The following BOD1 variants were observed in gnomAD, a reference collection of about 807,000 sequenced individuals.
BOD1 encodes biorientation of chromosomes in cell division protein 1.
In BOD1, 11 loss-of-function variants were observed where a neutral mutation model predicts 15.7. The observed-to-expected ratio is 0.70, with a 90% CI of 0.44 to 1.16. The LOEUF is 1.16. BOD1 is among the 50% of genes most tolerant of loss of function. BOD1 has a pLI of 0.00. For synonymous variants in BOD1, 105 were observed against 103.5 expected (o/e 1.01, Z -0.09); for missense variants, 182 against 244.5 (o/e 0.74, Z 1.70).
Position 173,608,066 on chromosome 5 carries a change from T to C in BOD1, c.*228A>G. On this transcript the variant is annotated 3_prime_UTR_variant, in exon 4 of 4. Coordinates refer to ENST00000311086, the MANE Select transcript of BOD1 (RefSeq NM_138369.3). ...TCTCTGTAGTGTCTACTTGGTGTCA[T>C]GCCCTTGGACAGGCTGGCCAAATGG... The C allele has an allele frequency of 1.7e-6, 1 of 592,028 alleles. No individual in the cohort carries two copies. The highest frequency in any genetic ancestry group is 3.0e-6 in the Non-Finnish European group (1 of 329,416). 36.7% of individuals were successfully genotyped at this position (592,028 alleles called of 1,614,324 possible). A position where few individuals can be genotyped will look rare whatever the true frequency, so the allele number is the denominator to read the frequency against.
rs762552050 is a variant in BOD1 at position 173,609,240 on chromosome 5, T to C, written c.557A>G (p.Ter186=). 1.4e-5 allele frequency: 22 copies of C among 1,612,970 alleles called. No individual in the cohort carries two copies. In the East Asian group the frequency reaches 4.9e-4, roughly 36 times the overall value. ...DPPAPSQDTS[*] is the part of the protein sequence containing the mutation. ...GGACAGAAGATAGGATACTGGACCTTAGGAAGTGTCCTGAGATGGAGCTGG... is the reference window on the plus strand; with the variant it reads ...GGACAGAAGATAGGATACTGGACCTCAGGAAGTGTCCTGAGATGGAGCTGG... The change falls in exon 3 of 4, where the codon TAA becomes TGA. Residue 186 remains the stop codon, a splice_region_variant and stop_retained_variant. Coordinates refer to ENST00000311086, the MANE Select transcript of BOD1 (RefSeq NM_138369.3).
chr5:173,614,433 A>AT (rs1180140174), intron 1 of BOD1, among the ~76,000 whole-genome samples: 2 of 152,274 alleles, frequency 1.3e-5, no homozygotes, highest in Non-Finnish European at 1.5e-5. Flanking sequence ...GAGCCCACTC[A>AT]TAACGTTTTA....
In BOD1 at chr5:173,616,647, A is replaced by T; in HGVS notation, c.-211T>A. ...GCAGAGGTTGTGGTGGACGCGGCAG[A>T]AACGGCCTGCTCGATTCCAGGCGCA... is the stretch of plus-strand genomic sequence containing the variant. On this transcript the variant is annotated 5_prime_UTR_variant, in exon 1 of 4. Coordinates refer to ENST00000311086, the MANE Select transcript of BOD1 (RefSeq NM_138369.3). 1.5e-6 allele frequency: 2 copies of T among 1,307,794 alleles called. No homozygotes were observed. Among genetic ancestry groups the T allele is most frequent in the Non-Finnish European group, 1.9e-6 (2 of 1,032,590 alleles). 81.0% of individuals were successfully genotyped at this position (1,307,794 alleles called of 1,614,324 possible).
At chr5:173,609,038 G>A (rs1275286393) in intron 3 of BOD1, among the ~76,000 whole-genome samples, 200 bp downstream of exon 3, 3 of 152,098 alleles carry the variant, frequency 2.0e-5, no homozygotes, top group Admixed American at 1.3e-4. Context: ...TAGCGCTGGT[G>A]GAACAGAAAA....
Position 173,616,265 on chromosome 5 carries a change from G to A in BOD1, c.172C>T (p.Gln58Ter), listed in dbSNP as rs1755495335. Residue 58 changes from glutamine to a stop codon, truncating the protein, a stop_gained, in exon 1 of 4, where the codon CAG becomes TAG. Coordinates refer to ENST00000311086, the MANE Select transcript of BOD1 (RefSeq NM_138369.3). LOFTEE classifies it high-confidence loss of function. ...TCAAAAAGGCCCCGGCTCTTGAGCT[G>A]CTCCACGATGAGAGCGATGAGCTGC... ...DPQLIALIVEQLKSRGLFDSF... is the reference protein window; with the variant it reads ...DPQLIALIVE 1 of 1,562,544 alleles carries A rather than the reference G, an allele frequency of 6.4e-7. No individual in the cohort carries two copies. Among genetic ancestry groups the A allele is most frequent in the East Asian group, 2.4e-5 (1 of 41,916 alleles).
Position 173,608,194 on chromosome 5 carries a change from G to A in BOD1, c.*100C>T. 1 of 1,411,036 alleles carries A rather than the reference G, an allele frequency of 7.1e-7. No individual in the cohort carries two copies. The highest frequency in any genetic ancestry group is 1.0e-6 in the Non-Finnish European group (1 of 995,924). 87.4% of individuals were successfully genotyped at this position (1,411,036 alleles called of 1,614,324 possible). Reference sequence around the variant, plus strand: ...GGTCAAGGTTGAAATCTTGAGATCAGTGACGACCTTGGCCTATCTTCAGTC... The same window carrying A: ...GGTCAAGGTTGAAATCTTGAGATCAATGACGACCTTGGCCTATCTTCAGTC... On this transcript the variant is annotated 3_prime_UTR_variant, in exon 4 of 4. Transcript: ENST00000311086.
At position 173,607,632 on chromosome 5, in the gene BOD1, C is replaced by G. The variant is rs1171683229; in HGVS notation, c.*662G>C. ...TAAACATACCTAAGACTCACTGGCC[C>G]CTCCAGGACAGGAAGCAGCCCTGGA... is the stretch of plus-strand genomic sequence containing the variant. On this transcript the variant is annotated 3_prime_UTR_variant, in exon 4 of 4. Transcript: ENST00000311086. 2.0e-5 allele frequency: 3 copies of G among 152,332 alleles called. No individual in the cohort carries two copies. In the East Asian group the frequency reaches 5.8e-4, roughly 29 times the overall value. 9.4% of individuals were successfully genotyped at this position (152,332 alleles called of 1,614,324 possible).
At chr5:173,609,506 C>A in intron 2 of BOD1, 72 bp from the exon 3 acceptor site, 3 of 1,492,358 alleles carry the variant, frequency 2.0e-6, no homozygotes, top group East Asian at 2.3e-5. Flanking sequence ...ATAAGTGTCA[C>A]GTGCGAGCCC....
rs914105610 is a variant in BOD1 at position 173,616,303 on chromosome 5, G to A, written c.134C>T (p.Pro45Leu). Residue 45 changes from proline to leucine, a missense_variant, in exon 1 of 4, where the codon CCT becomes CTT. Physicochemically the swap from Pro to Leu is moderately conservative, Grantham distance 98. This residue lies in a region of BOD1 where 72 missense variants were observed against 68.9 expected (regional missense o/e 1.05). Coordinates refer to ENST00000311086, the MANE Select transcript of BOD1 (RefSeq NM_138369.3). ...GGGPINPASL[P>L]PGDPQLIALI... The stretch of plus-strand genomic sequence containing the variant: ...AGCGATGAGCTGCGGGTCGCCGGGA[G>A]GCAGCGAGGCCGGGTTGATGGGGCC... 3 of 1,541,774 alleles carry A rather than the reference G, an allele frequency of 1.9e-6. No individual in the cohort carries two copies. The highest frequency in any genetic ancestry group is 2.5e-5 in the East Asian group (1 of 40,662).
At chr5:173,609,865 G>C (rs1230043607) in intron 2 of BOD1, 1 of 163,882 alleles carries the variant, frequency 6.1e-6, no homozygotes, top group Non-Finnish European at 1.3e-5. Context: ...AGTAGCTCCA[G>C]CAGCAACCTG....
Position 173,611,612 on chromosome 5 carries a change from T to C in BOD1, c.362+1519A>G, listed in dbSNP as rs562968369. On this transcript the variant is annotated intron_variant, in intron 2 of 3. Coordinates refer to ENST00000311086, the MANE Select transcript of BOD1 (RefSeq NM_138369.3). ...ATGATTAGTATAAAAGTCAGGAATA[T>C]GGAAAACTTCCGAAAGGAGGAAAGT... Among the ~76,000 whole-genome samples the C allele has an allele frequency of 1.4e-4, 21 of 152,078 alleles. No homozygotes were observed. The South Asian group carries it at 1.5e-3, about 11-fold the overall frequency.
rs1332512718 is a variant in BOD1 at position 173,608,019 on chromosome 5, C to G, written c.*275G>C. On this transcript the variant is annotated 3_prime_UTR_variant, in exon 4 of 4. Coordinates refer to ENST00000311086, the MANE Select transcript of BOD1 (RefSeq NM_138369.3). Reference sequence around the variant, plus strand: ...TATAAAAGTCTGTTTCAGGACAACCCTGGGTTGCTGTAGTGTTTCTCTCTC... The same window carrying G: ...TATAAAAGTCTGTTTCAGGACAACCGTGGGTTGCTGTAGTGTTTCTCTCTC... The G allele has an allele frequency of 2.0e-6, 1 of 493,144 alleles. No homozygotes were observed. Among genetic ancestry groups the G allele is most frequent in the African/African-American group, 2.0e-5 (1 of 50,636 alleles). The allele number at this position is 493,144 out of a possible 1,614,324, so 30.5% of individuals were successfully genotyped here.
chr5:173,610,828 G>A (rs530753369), intron 2 of BOD1, among the ~76,000 whole-genome samples: 3 of 152,268 alleles, frequency 2.0e-5, no homozygotes, highest in Admixed American at 6.5e-5. Flanking sequence ...GGAGGCGATC[G>A]GGTCATGGGG....
In BOD1 at chr5:173,616,193, C is replaced by T; in HGVS notation, c.237+7G>A. On this transcript the variant is annotated splice_region_variant and intron_variant, in intron 1 of 3. Coordinates refer to ENST00000311086, the MANE Select transcript of BOD1 (RefSeq NM_138369.3). The stretch of plus-strand genomic sequence containing the variant: ...CCGCTCCCCAACGCCCAGGCGGCCG[C>T]AGCTACCTTGGTGTCCACGTCGGCC... The T allele has an allele frequency of 1.3e-6, 2 of 1,575,162 alleles. No individual in the cohort carries two copies. The highest frequency in any genetic ancestry group is 2.3e-5 in the East Asian group (1 of 42,662).
At chr5:173,612,016 A>C (rs539774696) in intron 2 of BOD1, among the ~76,000 whole-genome samples, 1 of 152,358 alleles carries the variant, frequency 6.6e-6, no homozygotes, top group South Asian at 2.1e-4. Context: ...AGTAAGGGGC[A>C]GCTACTGTCC....
intron 1 of BOD1, chr5:173,614,976 C>T (rs1269316839): frequency 6.6e-6 from 1 of 152,242 alleles, no homozygotes; most frequent in Non-Finnish European, 1.5e-5. Flanking sequence ...AAAGCAAAAC[C>T]TTGGATGGGG....
chr5:173,611,740 C>T (rs939143406), intron 2 of BOD1, among the ~76,000 whole-genome samples: 3 of 152,190 alleles, frequency 2.0e-5, no homozygotes, highest in African/African-American at 7.2e-5. Context: ...GTGCACTTTT[C>T]CGTATTACAA....
chr5:173,616,421 C>T lies in BOD1; in HGVS notation c.16G>A (p.Gly6Ser). The change falls in exon 1 of 4, where the codon GGC (glycine) becomes AGC (serine). Residue 6 changes from glycine (G) to serine (S), a missense_variant. This residue lies in a region of BOD1 where 72 missense variants were observed against 68.9 expected (regional missense o/e 1.05). Coordinates refer to ENST00000311086, the MANE Select transcript of BOD1 (RefSeq NM_138369.3). ...CCCACCGCGCCAGTTCCCCCGCCGC[C>T]GCCGCCGTCCGCCATGGCTGCGCCC... Reference protein sequence around the residue: MADGGGGGGTGAVGGG... With the variant: MADGGSGGGTGAVGGG... 1 of 1,544,684 alleles carries T rather than the reference C, an allele frequency of 6.5e-7. No homozygotes were observed. The highest frequency in any genetic ancestry group is 1.9e-5 in the Admixed American group (1 of 53,490).
At position 173,608,022 on chromosome 5, in the gene BOD1, G is replaced by C. The variant is rs1755246854; in HGVS notation, c.*272C>G. On this transcript the variant is annotated 3_prime_UTR_variant, in exon 4 of 4. Transcript: ENST00000311086. ...AAAAGTCTGTTTCAGGACAACCCTG[G>C]GTTGCTGTAGTGTTTCTCTCTCTGT... is the stretch of plus-strand genomic sequence containing the variant. 4 of 490,384 alleles carry C rather than the reference G, an allele frequency of 8.2e-6. No homozygotes were observed. Among genetic ancestry groups the C allele is most frequent in the Non-Finnish European group, 1.5e-5 (4 of 272,260 alleles). The allele number at this position is 490,384 out of a possible 1,614,324, so 30.4% of individuals were successfully genotyped here.
Sources: allele counts gnomAD v4.1 joint callset (sites outside exome capture counted in the v4.1 genomes callset), GRCh38; gene constraint gnomAD v4.1.1; regional missense constraint gnomAD v4.1.1; transcripts MANE v1.5; gene names NCBI Gene and HGNC (gene_info 2026-07-23, HGNC 2026-07-21).